Variants in ANKS1B observed in about 807,000 individuals in gnomAD.
ANKS1B encodes ankyrin repeat and sterile alpha motif domain containing 1B.
In ANKS1B, 36 loss-of-function variants were observed where a neutral mutation model predicts 148.3. The observed-to-expected ratio is 0.24, with a 90% CI of 0.19 to 0.32. ANKS1B has a LOEUF of 0.32. Ranked by LOEUF, ANKS1B falls within the 10% of genes least tolerant of loss-of-function variation. The pLI, the probability that ANKS1B is intolerant of heterozygous loss-of-function variation, is 1.00. For missense variants in ANKS1B, 1,157 were observed against 1,542.6 expected (o/e 0.75, Z 4.19); for synonymous variants, 542 against 560.8 (o/e 0.97, Z 0.47).
rs563721508 is a variant in ANKS1B at position 99,380,271 on chromosome 12, C to T, written c.1756+19360G>A. On this transcript the variant is annotated intron_variant, in intron 12 of 26. Transcript: ENST00000683438. ...CACCAGCTATATTTGTAGAGCTGCT[C>T]AAATGTTTTTATAAAAGTAAGCACA... Among the ~76,000 whole-genome samples the T allele has an allele frequency of 2.0e-5, 3 of 152,268 alleles. No homozygotes were observed. In the East Asian group the frequency reaches 5.8e-4, roughly 29 times the overall value.
chr12:99,010,126 T>C (rs934720979), intron 17 of ANKS1B, among the ~76,000 whole-genome samples: 4 of 152,206 alleles, frequency 2.6e-5, no homozygotes, highest in Non-Finnish European at 4.4e-5. Context: ...CTGTCATTCT[T>C]GGGAGAGGCA....
chr12:99,595,435 T>C (rs1209504381), intron 9 of ANKS1B, among the ~76,000 whole-genome samples: 1 of 151,938 alleles, frequency 6.6e-6, no homozygotes, highest in East Asian at 1.9e-4. Context: ...TTATATATTC[T>C]TTTTCTAGTA....
chr12:99,333,628 T>TA (rs1163555572), intron 12 of ANKS1B, among the ~76,000 whole-genome samples: 9 of 152,082 alleles, frequency 5.9e-5, no homozygotes, highest in African/African-American at 7.2e-5. Context: ...AAACCCAAAA[T>TA]AAAAATTTTG....
chr12:99,606,089 T>C (rs1188672635), intron 9 of ANKS1B, among the ~76,000 whole-genome samples: 7 of 152,110 alleles, frequency 4.6e-5, no homozygotes, highest in Non-Finnish European at 7.4e-5. Flanking sequence ...TAATTAGTGA[T>C]GTTGAGCATT....
intron 25 of ANKS1B, among the ~76,000 whole-genome samples, chr12:98,768,191 A>G (rs78893670): frequency 0.062 from 9,481 of 152,192 alleles, 426 homozygotes; most frequent in Middle Eastern, 0.15. Flanking sequence ...CATAGACTCC[A>G]GAATACAGAG....
intron 1 of ANKS1B, among the ~76,000 whole-genome samples, chr12:99,930,261 T>C (rs1161791674): frequency 1.3e-5 from 2 of 152,002 alleles, no homozygotes; most frequent in Non-Finnish European, 2.9e-5. Flanking sequence ...TTTGAAGCAA[T>C]TGTGAATGGG....
In ANKS1B at chr12:99,462,459, C is replaced by T. The variant is rs145911053; in HGVS notation, c.1439-18650G>A. On this transcript the variant is annotated intron_variant, in intron 10 of 26. Coordinates refer to ENST00000683438, the MANE Select transcript of ANKS1B (RefSeq NM_001352186.2). ...CTCTCCAGCTGCCATTTCTGGCTTC[C>T]CTTTAACAGGTGTTGCCTCCGAAAT... 4.6e-4 allele frequency among the ~76,000 whole-genome samples: 70 copies of T among 152,262 alleles called. 1 individual carries two copies. The East Asian group carries it at 7.9e-3, about 17-fold the overall frequency.
chr12:99,074,341 A>C (rs758464778), intron 16 of ANKS1B, among the ~76,000 whole-genome samples: 6 of 152,120 alleles, frequency 3.9e-5, no homozygotes, highest in Non-Finnish European at 8.8e-5. Flanking sequence ...AAAAAAAAAA[A>C]AACACTAAAA....
At chr12:98,950,072 C>T (rs1315680842) in intron 17 of ANKS1B, among the ~76,000 whole-genome samples, 1 of 152,194 alleles carries the variant, frequency 6.6e-6, no homozygotes, top group Admixed American at 6.5e-5. Flanking sequence ...GTATGATGGT[C>T]ATGCTGAATG....
rs138258454 is a variant in ANKS1B at position 99,398,642 on chromosome 12, G to A, written c.1756+989C>T. On this transcript the variant is annotated intron_variant, in intron 12 of 26. Coordinates refer to ENST00000683438, the MANE Select transcript of ANKS1B (RefSeq NM_001352186.2). ...CTGTTCCAACAATGTAATTCCCTGT[G>A]AGCTTGGCTGCTGAAGCTGCCTGCT... Among the ~76,000 whole-genome samples the A allele has an allele frequency of 6.7e-3, 1,026 of 152,230 alleles. 16 individuals are homozygous for A. The highest frequency in any genetic ancestry group is 0.024 in the African/African-American group (981 of 41,552).
At chr12:99,723,550 T>G (rs147865514) in intron 8 of ANKS1B, among the ~76,000 whole-genome samples, 163 of 152,226 alleles carry the variant, frequency 1.1e-3, no homozygotes, top group African/African-American at 3.4e-3. Context: ...CCAGCAGACT[T>G]AGCCTTTCCT....
At chr12:99,335,826 G>C (rs923203964) in intron 12 of ANKS1B, among the ~76,000 whole-genome samples, 4 of 152,126 alleles carry the variant, frequency 2.6e-5, no homozygotes, top group Non-Finnish European at 4.4e-5. Flanking sequence ...AAACATGGGA[G>C]TGTGTAGCTA....
At chr12:98,812,453 G>A (rs1376981004) in intron 19 of ANKS1B, among the ~76,000 whole-genome samples, 2 of 152,176 alleles carry the variant, frequency 1.3e-5, no homozygotes, top group African/African-American at 4.8e-5. Flanking sequence ...ACCTAACGAT[G>A]CATTTCTCAG....
intron 17 of ANKS1B, among the ~76,000 whole-genome samples, chr12:99,002,358 C>T (rs2099933498): frequency 6.6e-6 from 1 of 152,168 alleles, no homozygotes; most frequent in Non-Finnish European, 1.5e-5. Flanking sequence ...CCAGCTTCCC[C>T]CAGCCTGAAG....
At chr12:99,206,358 C>CA (rs2082668240) in intron 14 of ANKS1B, among the ~76,000 whole-genome samples, 1 of 152,064 alleles carries the variant, frequency 6.6e-6, no homozygotes, top group South Asian at 2.1e-4. Context: ...TTTAGAATGA[C>CA]AATGGCCATT....
chr12:99,494,311 C>T (rs1284476669), intron 10 of ANKS1B, among the ~76,000 whole-genome samples: 1 of 151,938 alleles, frequency 6.6e-6, no homozygotes, highest in African/African-American at 2.4e-5. Flanking sequence ...ATTGAGAGCA[C>T]GGGAATAAAG....
intron 20 of ANKS1B, among the ~76,000 whole-genome samples, chr12:98,806,999 C>T (rs2099055494): frequency 6.6e-6 from 1 of 152,168 alleles, no homozygotes; most frequent in Non-Finnish European, 1.5e-5. Context: ...CGTGGCATCC[C>T]TTCACATGCC....
intron 1 of ANKS1B, among the ~76,000 whole-genome samples, chr12:99,936,758 C>T (rs1352739001): frequency 2.0e-5 from 3 of 152,146 alleles, no homozygotes; most frequent in African/African-American, 7.2e-5. Flanking sequence ...TTTTTTCCCG[C>T]TATTTTCAGC....
chr12:98,959,810 T>C (rs952064195), intron 17 of ANKS1B, among the ~76,000 whole-genome samples: 1 of 152,150 alleles, frequency 6.6e-6, no homozygotes. Context: ...TGAAGAGCTC[T>C]TGTGCCTTGA....
Sources: allele counts gnomAD v4.1 joint callset (sites outside exome capture counted in the v4.1 genomes callset), GRCh38; gene constraint gnomAD v4.1.1; transcripts MANE v1.5; gene names NCBI Gene and HGNC (gene_info 2026-07-23, HGNC 2026-07-21).